PCDHGA9: variants seen among roughly 807,000 people sequenced by gnomAD.
The protein encoded by PCDHGA9 is protocadherin gamma-A9.
In PCDHGA9, 37 loss-of-function variants were observed where a neutral mutation model predicts 62.5. The observed-to-expected ratio is 0.59, with a 90% CI of 0.46 to 0.78. The LOEUF (loss-of-function observed/expected upper bound fraction) is 0.78, where lower values mean the gene tolerates loss of function less well. PCDHGA9 is among the 30% of genes least tolerant of loss of function. The probability of loss-of-function intolerance (pLI) is 0.00; values close to 1 mark genes in which losing one functional copy is unlikely to be tolerated. For synonymous variants in PCDHGA9, 459 were observed against 484.6 expected, an observed-to-expected ratio of 0.95 and a Z score of 0.69; for missense variants, 1,138 against 1,166.2, an observed-to-expected ratio of 0.98 and a Z score of 0.35.
intron 1 of PCDHGA9, among the ~76,000 whole-genome samples, chr5:141,488,261 G>T (rs993627373): frequency 6.6e-6 from 1 of 152,148 alleles, no homozygotes; most frequent in Non-Finnish European, 1.5e-5. Flanking sequence ...GGTTGGGGCG[G>T]GTTGGTCATC....
chr5:141,510,916 G>C (rs1044988697), intron 3 of PCDHGA9, 31 bp from the exon 4 acceptor site: 2 of 1,613,714 alleles, frequency 1.2e-6, no homozygotes, highest in African/African-American at 1.3e-5. Flanking sequence ...CCTAAGTTTA[G>C]CTCCCACCTG....
At chr5:141,464,279 C>CAA (rs373828487) in intron 1 of PCDHGA9, among the ~76,000 whole-genome samples, 8,568 of 137,664 alleles carry the variant, frequency 0.062, 499 homozygotes, top group African/African-American at 0.16. Context: ...AAAAAAAAAG[C>CAA]AAAAAAAAAA....
chr5:141,415,408 G>T, intron 1 of PCDHGA9: 1 of 1,614,224 alleles, frequency 6.2e-7, no homozygotes, highest in Non-Finnish European at 8.5e-7. Context: ...CTCGCACTTT[G>T]TGGGCGTGGA....
intron 1 of PCDHGA9, chr5:141,427,796 C>A: frequency 6.7e-7 from 1 of 1,502,108 alleles, no homozygotes; most frequent in Non-Finnish European, 9.2e-7. Flanking sequence ...CCTACGTGTC[C>A]GTGAGCGCAC....
intron 1 of PCDHGA9, chr5:141,421,458 T>C (rs2096575080): frequency 6.2e-7 from 1 of 1,614,122 alleles, no homozygotes; most frequent in Non-Finnish European, 8.5e-7. Flanking sequence ...AGCTTTTCGC[T>C]GTGAATCCGC....
At chr5:141,428,114 C>CG in intron 1 of PCDHGA9, 2 of 1,607,202 alleles carry the variant, frequency 1.2e-6, no homozygotes, top group Non-Finnish European at 1.7e-6. Flanking sequence ...TGCAGGCCAT[C>CG]GAGCCCGGGC....
intron 1 of PCDHGA9, chr5:141,415,661 T>C: frequency 6.3e-7 from 1 of 1,582,308 alleles, no homozygotes; most frequent in East Asian, 2.3e-5. Flanking sequence ...AAGATTGGTT[T>C]TTACTTTGAA....
chr5:141,432,172 C>T lies in PCDHGA9; in HGVS notation c.2424+26796C>T, dbSNP rs562175068. ...AGAACAATCCCAGAGGAGTTTCCCT[C>T]GTCTCTGTGACCGCCCACGACCCCG... On this transcript the variant is annotated intron_variant, in intron 1 of 3. Coordinates refer to ENST00000573521, the MANE Select transcript of PCDHGA9 (RefSeq NM_018921.3). This position sits in a 1 kb window ranked among gnomAD's most constrained non-coding sequence, Gnocchi z 6.0. 22 of 1,614,152 alleles carry T rather than the reference C, an allele frequency of 1.4e-5. No individual in the cohort carries two copies. In the Admixed American group the frequency reaches 3.5e-4, roughly 26 times the overall value.
At position 141,431,026 on chromosome 5, in the gene PCDHGA9, G is replaced by A; in HGVS notation, c.2424+25650G>A. On this transcript the variant is annotated intron_variant, in intron 1 of 3. Coordinates refer to ENST00000573521, the MANE Select transcript of PCDHGA9 (RefSeq NM_018921.3). This position sits in a 1 kb window ranked among gnomAD's most constrained non-coding sequence, Gnocchi z 4.8. Reference sequence around the variant, plus strand: ...GCGGCAGCTTGGTCACGGCGGGCAGGATAGACCGGGAGGAGCTCTGTATGG... The same window carrying A: ...GCGGCAGCTTGGTCACGGCGGGCAGAATAGACCGGGAGGAGCTCTGTATGG... The A allele has an allele frequency of 1.2e-6, 2 of 1,614,118 alleles. No homozygotes were observed. The highest frequency in any genetic ancestry group is 1.7e-6 in the Non-Finnish European group (2 of 1,179,960).
At chr5:141,422,934 C>T in intron 1 of PCDHGA9, 1 of 1,614,254 alleles carries the variant, frequency 6.2e-7, no homozygotes, top group Non-Finnish European at 8.5e-7. Context: ...CTGCCCTCCC[C>T]ACAGACGGCT....
intron 1 of PCDHGA9, among the ~76,000 whole-genome samples, chr5:141,450,006 CTTTTT>C (rs1554136305): frequency 1.5e-5 from 2 of 132,980 alleles, no homozygotes; most frequent in African/African-American, 2.8e-5. Flanking sequence ...TGCCATGTCT[CTTTTT>C]TTTTTTTTTT....
chr5:141,486,400 T>G lies in PCDHGA9; in HGVS notation c.2425-8407T>G. On this transcript the variant is annotated intron_variant, in intron 1 of 3. Transcript: ENST00000573521. This position sits in a 1 kb window ranked among gnomAD's most constrained non-coding sequence, Gnocchi z 5.0. Reference sequence around the variant, plus strand: ...TCAGGAACCAGTTCTCCCTGGTGACTGCTGGACCCTTGGATCGAGAGGCCA... The same window carrying G: ...TCAGGAACCAGTTCTCCCTGGTGACGGCTGGACCCTTGGATCGAGAGGCCA... 5.0e-6 allele frequency: 8 copies of G among 1,614,194 alleles called. No homozygotes were observed. The highest frequency in any genetic ancestry group is 6.8e-6 in the Non-Finnish European group (8 of 1,180,028).
intron 1 of PCDHGA9, chr5:141,410,538 T>TG (rs768720792): frequency 8.1e-6 from 13 of 1,613,830 alleles, no homozygotes; most frequent in Non-Finnish European, 1.1e-5. Flanking sequence ...AATGAAGACA[T>TG]GGTTTGCAGT....
intron 1 of PCDHGA9, among the ~76,000 whole-genome samples, chr5:141,483,913 C>G (rs988014158): frequency 6.7e-6 from 1 of 148,188 alleles, no homozygotes; most frequent in African/African-American, 2.5e-5. Context: ...GTTTCCCACT[C>G]AGATTGCAGG....
At chr5:141,482,356 G>T (rs1330274684) in intron 1 of PCDHGA9, among the ~76,000 whole-genome samples, 1 of 152,236 alleles carries the variant, frequency 6.6e-6, no homozygotes, top group East Asian at 1.9e-4. Flanking sequence ...TGTTGTGAGA[G>T]TGAAAAGTAA....
intron 2 of PCDHGA9, among the ~76,000 whole-genome samples, chr5:141,500,942 C>T (rs937418207): frequency 2.0e-5 from 3 of 151,926 alleles, no homozygotes; most frequent in Non-Finnish European, 4.4e-5. Context: ...CATCTCGGCT[C>T]ACTGCAAGCT....
At position 141,402,901 on chromosome 5, in the gene PCDHGA9, T is replaced by TG; in HGVS notation, c.-51dup. 6.6e-7 allele frequency: 1 copy of TG among 1,520,230 alleles called. No individual in the cohort carries two copies. Among genetic ancestry groups the TG allele is most frequent in the Non-Finnish European group, 8.8e-7 (1 of 1,135,318 alleles). 94.2% of individuals were successfully genotyped at this position (1,520,230 alleles called of 1,614,324 possible). On this transcript the variant is annotated 5_prime_UTR_variant, in exon 1 of 4. It removes the in-frame stop codon of an upstream open reading frame in the 5' UTR. Transcript: ENST00000573521. ...TTGCAGGGTGGAAGAAAGAACCTGA[T>TG]GAAGCAGCGCGCACAGAGATCCTTT...
At chr5:141,443,759 A>G (rs1055796439) in intron 1 of PCDHGA9, among the ~76,000 whole-genome samples, 2 of 152,228 alleles carry the variant, frequency 1.3e-5, no homozygotes, top group African/African-American at 2.4e-5. Flanking sequence ...GAAGCTTACA[A>G]TATACAATAT....
chr5:141,420,846 T>C (rs2096528755), intron 1 of PCDHGA9, among the ~76,000 whole-genome samples: 1 of 152,252 alleles, frequency 6.6e-6, no homozygotes, highest in Non-Finnish European at 1.5e-5. Context: ...GTGTTCTTGG[T>C]AAAGTTTTAA....
Sources: gnomAD v4.1 joint callset for allele counts (sites outside exome capture counted in the v4.1 genomes callset) on GRCh38, gnomAD v4.1.1 for gene constraint, Gnocchi (gnomAD v3.1) non-coding constraint, MANE v1.5 for transcripts, NCBI Gene and HGNC (gene_info 2026-07-23, HGNC 2026-07-21) for gene names.